Variants in CAD observed in about 807,000 individuals in gnomAD.
CAD encodes multifunctional protein CAD.
CAD carries 81 observed loss-of-function variants against 237.2 expected under a neutral mutation model. The ratio of observed to expected loss-of-function variants is 0.34; its 90% CI spans 0.29 to 0.41. CAD has a LOEUF of 0.41. Among genes scored for constraint, CAD ranks in the 10% least tolerant of loss-of-function variants. CAD has a pLI of 1.00. For synonymous variants in CAD, 1,196 were observed against 1,162.8 expected, an observed-to-expected ratio of 1.03 and a Z score of -0.58; for missense variants, 2,181 against 2,951.7, an observed-to-expected ratio of 0.74 and a Z score of 6.05.
intron 22 of CAD, 95 bp from the exon 23 acceptor site, chr2:27,234,423 C>A (rs1408775875): frequency 7.6e-7 from 1 of 1,308,094 alleles, no homozygotes; most frequent in Non-Finnish European, 1.1e-6. Flanking sequence ...CAGTCTGATC[C>A]CCCAGAGCTG....
In CAD at chr2:27,236,611, AGTAATAAAGCTTT is replaced by A; in HGVS notation, c.4314+91_4314+103del. On this transcript the variant is annotated intron_variant, in intron 26 of 43. Coordinates refer to ENST00000264705, the MANE Select transcript of CAD (RefSeq NM_004341.5). This position sits in a 1 kb window ranked among gnomAD's most constrained non-coding sequence, Gnocchi z 4.1. Reference sequence around the variant, plus strand: ...GGAGTGAGTATGGAACAGCCATGCTAGTAATAAAGCTTTGTGGCTACAGAGGGAGAGATGGTGG... The same window carrying A: ...GGAGTGAGTATGGAACAGCCATGCTAGTGGCTACAGAGGGAGAGATGGTGG... 3 of 1,575,970 alleles carry A rather than the reference AGTAATAAAGCTTT, an allele frequency of 1.9e-6. No individual in the cohort carries two copies. The highest frequency in any genetic ancestry group is 2.6e-6 in the Non-Finnish European group (3 of 1,151,486).
Position 27,239,583 on chromosome 2 carries a change from C to A in CAD, c.5394+112C>A. ...CCACTATGTGCACCACTGCCCTGGA[C>A]CAGGGGTTGGGGGCACAGCTCCCCC... is the stretch of plus-strand genomic sequence containing the variant. On this transcript the variant is annotated intron_variant, in intron 33 of 43. Transcript: ENST00000264705. This position sits in a 1 kb window ranked among gnomAD's most constrained non-coding sequence, Gnocchi z 4.0. 6.6e-7 allele frequency: 1 copy of A among 1,517,240 alleles called. No individual in the cohort carries two copies. The highest frequency in any genetic ancestry group is 9.0e-7 in the Non-Finnish European group (1 of 1,106,192). 94.0% of individuals were successfully genotyped at this position (1,517,240 alleles called of 1,614,324 possible).
Position 27,225,198 on chromosome 2 carries a change from C to A in CAD, c.1575C>A (p.Ile525=), listed in dbSNP as rs542073634. The A allele has an allele frequency of 3.7e-5, 59 of 1,613,398 alleles. No individual in the cohort carries two copies. Among genetic ancestry groups the A allele is most frequent in the Admixed American group, 6.7e-5 (4 of 59,944 alleles). ...CCTTTGCTGCCAGAATGGCAGAGAT[C>A]GGAGAGCATGTGGCCCCGAGCGAGG... ...RRAFAARMAE[I]GEHVAPSEAA... is the part of the protein sequence containing the mutation. The change falls in exon 11 of 44, where the codon ATC becomes ATA. Residue 525 remains isoleucine (I), a synonymous_variant. Transcript: ENST00000264705.
chr2:27,236,956 A>C lies in CAD; in HGVS notation c.4396+126A>C. 1 of 781,770 alleles carries C rather than the reference A, an allele frequency of 1.3e-6. No individual in the cohort carries two copies. The highest frequency in any genetic ancestry group is 2.3e-6 in the Non-Finnish European group (1 of 442,052). 48.4% of individuals were successfully genotyped at this position (781,770 alleles called of 1,614,324 possible). ...GGACTGCACAGACTGTGAAGACCCC[A>C]GAATGTTTCTCACTCTTTCATTCCT... On this transcript the variant is annotated intron_variant, in intron 27 of 43. Transcript: ENST00000264705. This position sits in a 1 kb window ranked among gnomAD's most constrained non-coding sequence, Gnocchi z 4.1.
intron 3 of CAD, among the ~76,000 whole-genome samples, chr2:27,221,753 A>ATTTTTTTTTTTTT (rs57429918): frequency 9.7e-6 from 1 of 103,494 alleles, no homozygotes; most frequent in Admixed American, 1.1e-4. Context: ...AAATTTCCCA[A>ATTTTTTTTTTTTT]TTTTTTTTTT....
rs529682111 is a variant in CAD at position 27,241,534 on chromosome 2, C to T, written c.5883+138C>T. 1.2e-6 allele frequency: 1 copy of T among 838,864 alleles called. No individual in the cohort carries two copies. The highest frequency in any genetic ancestry group is 2.5e-5 in the East Asian group (1 of 40,736). 52.0% of individuals were successfully genotyped at this position (838,864 alleles called of 1,614,324 possible). ...CTTATGCTAGTCCATCCCTCTGCTG[C>T]TGTAGATCTTCCCCCACGTTTTCCC... On this transcript the variant is annotated intron_variant, in intron 38 of 43. Transcript: ENST00000264705. The surrounding 1 kb of genome is among the most constrained non-coding windows in gnomAD (Gnocchi z 4.6).
Position 27,235,955 on chromosome 2 carries a change from G to A in CAD, c.4074+315G>A. On this transcript the variant is annotated intron_variant, in intron 25 of 43. Transcript: ENST00000264705. This position sits in a 1 kb window ranked among gnomAD's most constrained non-coding sequence, Gnocchi z 5.2. ...ATACTAGTAAGCTATATTCCATGCAGAAAGCAGAATACACAGGAAGCAAAG... is the reference window on the plus strand; with the variant it reads ...ATACTAGTAAGCTATATTCCATGCAAAAAGCAGAATACACAGGAAGCAAAG... 6.2e-6 allele frequency: 3 copies of A among 485,018 alleles called. No homozygotes were observed. Among genetic ancestry groups the A allele is most frequent in the Non-Finnish European group, 1.1e-5 (3 of 272,818 alleles). 30.0% of individuals were successfully genotyped at this position (485,018 alleles called of 1,614,324 possible).
Position 27,236,145 on chromosome 2 carries a change from T to TAGA in CAD, c.4075-138_4075-136dup. 2 of 1,062,316 alleles carry TAGA rather than the reference T, an allele frequency of 1.9e-6. No individual in the cohort carries two copies. The highest frequency in any genetic ancestry group is 2.7e-6 in the Non-Finnish European group (2 of 738,342). The allele number at this position is 1,062,316 out of a possible 1,614,324, so 65.8% of individuals were successfully genotyped here. A position where few individuals can be genotyped will look rare whatever the true frequency, so the allele number is the denominator to read the frequency against. On this transcript the variant is annotated intron_variant, in intron 25 of 43. Transcript: ENST00000264705. The surrounding 1 kb of genome is among the most constrained non-coding windows in gnomAD (Gnocchi z 4.1). ...AGAAATACACTTTGCCAGTATCAAA[T>TAGA]AGAGGCAGCCCTCAGTGCCCACCCT...
Position 27,232,664 on chromosome 2 carries a change from T to A in CAD, c.2862T>A (p.Cys954Ter). The change falls in exon 18 of 44, where the codon TGT becomes TGA. Residue 954 changes from cysteine (C) to a stop codon, truncating the protein, a stop_gained. Coordinates refer to ENST00000264705, the MANE Select transcript of CAD (RefSeq NM_004341.5). LOFTEE classifies it high-confidence loss of function. The surrounding 1 kb of genome is among the most constrained non-coding windows in gnomAD (Gnocchi z 4.1). The stretch of plus-strand genomic sequence containing the variant: ...GCTCTAGCGTTGAATTTGACTGGTG[T>A]GCTGTAGGCTGCATCCAGCAGCTCC... ...RIGSSVEFDW[C>*]AVGCIQQLRK... 1 of 1,614,246 alleles carries A rather than the reference T, an allele frequency of 6.2e-7. No homozygotes were observed. Among genetic ancestry groups the A allele is most frequent in the Non-Finnish European group, 8.5e-7 (1 of 1,180,032 alleles).
rs57384380 is a variant in CAD at position 27,220,630 on chromosome 2, G to A, written c.223-588G>A. On this transcript the variant is annotated intron_variant, in intron 2 of 43. Coordinates refer to ENST00000264705, the MANE Select transcript of CAD (RefSeq NM_004341.5). ...TTGTGCCACTGTACTCTGCACTCCA[G>A]CCTGGATAACAGCAAGACCCTGTCT... Among the ~76,000 whole-genome samples the A allele has an allele frequency of 1.1e-3, 159 of 149,976 alleles. 2 individuals are homozygous for A. In the East Asian group the frequency reaches 0.025, roughly 23 times the overall value.
chr2:27,227,536 G>A (rs1300047656), intron 15 of CAD: 1 of 152,234 alleles, frequency 6.6e-6, no homozygotes, highest in Admixed American at 6.5e-5. Flanking sequence ...CTTTAAACAA[G>A]TAAGTCTAAG....
rs375024545 is a variant in CAD, at chr2:27,237,802, G to C, written c.4648G>C (p.Gly1550Arg). ...TGCAGGAACCTTGGGCACCGTGGCC[G>C]GGTCTGCAGCCGGGCTGAAGCTTTA... ...ENAGTLGTVA[G>R]SAAGLKLYLN... Residue 1550 changes from glycine to arginine, a missense_variant, in exon 29 of 44, where the codon GGG (glycine) becomes CGG (arginine). Coordinates refer to ENST00000264705, the MANE Select transcript of CAD (RefSeq NM_004341.5). The surrounding 1 kb of genome is among the most constrained non-coding windows in gnomAD (Gnocchi z 4.0). The C allele has an allele frequency of 3.7e-6, 6 of 1,614,222 alleles. No homozygotes were observed. The highest frequency in any genetic ancestry group is 5.1e-6 in the Non-Finnish European group (6 of 1,180,032).
Position 27,233,234 on chromosome 2 carries a change from G to A in CAD, c.2992-78G>A. ...GATTCTTTGAAACTTGGTGGCGGCT[G>A]AGGGAAGCAGTGAGCAGGAAGGCTC... is the stretch of plus-strand genomic sequence containing the variant. On this transcript the variant is annotated intron_variant, in intron 19 of 43. Transcript: ENST00000264705. The surrounding 1 kb of genome is among the most constrained non-coding windows in gnomAD (Gnocchi z 6.3). 1 of 1,519,456 alleles carries A rather than the reference G, an allele frequency of 6.6e-7. No individual in the cohort carries two copies. Among genetic ancestry groups the A allele is most frequent in the South Asian group, 1.1e-5 (1 of 88,626 alleles). 94.1% of individuals were successfully genotyped at this position (1,519,456 alleles called of 1,614,324 possible). A position where few individuals can be genotyped will look rare whatever the true frequency, so the allele number is the denominator to read the frequency against.
rs1425706010 is a variant in CAD, at chr2:27,239,344, A to G, written c.5267A>G (p.His1756Arg). Residue 1756 changes from histidine (H) to arginine (R), a missense_variant, in exon 33 of 44, where the codon CAT (histidine) becomes CGT (arginine). His to Arg is a conservative substitution (Grantham distance 29). This residue lies in a region of CAD where 478 missense variants were observed against 515.0 expected (regional missense o/e 0.93). Coordinates refer to ENST00000264705, the MANE Select transcript of CAD (RefSeq NM_004341.5). The surrounding 1 kb of genome is among the most constrained non-coding windows in gnomAD (Gnocchi z 4.0). ...EDTYVEVDLE[H>R]EWTIPSHMPF... Reference sequence around the variant, plus strand: ...TCCTCTGGGCAGGTGGATCTGGAGCATGAGTGGACAATTCCCAGCCACATG... The same window carrying G: ...TCCTCTGGGCAGGTGGATCTGGAGCGTGAGTGGACAATTCCCAGCCACATG... The G allele has an allele frequency of 7.4e-6, 12 of 1,613,708 alleles. No homozygotes were observed. Among genetic ancestry groups the G allele is most frequent in the Non-Finnish European group, 1.0e-5 (12 of 1,179,772 alleles).
At chr2:27,238,744 TC>T in intron 31 of CAD, 112 bp downstream of exon 31, 1 of 1,005,642 alleles carries the variant, frequency 9.9e-7, no homozygotes, top group Non-Finnish European at 1.5e-6. Context: ...AGGGTCTTGA[TC>T]CGTATGGGAC....
chr2:27,224,264 C>T (rs1675323791), intron 8 of CAD, 81 bp from the exon 9 acceptor site: 2 of 1,513,716 alleles, frequency 1.3e-6, no homozygotes, highest in East Asian at 2.3e-5. Flanking sequence ...CTGGACTCTT[C>T]TGAAAGCGAG....
At chr2:27,221,465 G>A in intron 3 of CAD, 118 bp downstream of exon 3, 1 of 983,912 alleles carries the variant, frequency 1.0e-6, no homozygotes, top group Non-Finnish European at 1.3e-6. Flanking sequence ...GGAAGGTTTA[G>A]ATTGGAGTTG....
rs1437950616 is a variant in CAD at position 27,232,411 on chromosome 2, C to T, written c.2646-37C>T. 6.2e-7 allele frequency: 1 copy of T among 1,612,860 alleles called. No individual in the cohort carries two copies. Among genetic ancestry groups the T allele is most frequent in the Non-Finnish European group, 8.5e-7 (1 of 1,179,580 alleles). On this transcript the variant is annotated intron_variant, in intron 17 of 43. Coordinates refer to ENST00000264705, the MANE Select transcript of CAD (RefSeq NM_004341.5). The surrounding 1 kb of genome is among the most constrained non-coding windows in gnomAD (Gnocchi z 4.1). ...ACCCTCTATCAGTCTGTACCCTACT[C>T]TCTGGGCCTGTGTTTCAGACCCTTT...
intron 6 of CAD, 51 bp from the exon 7 acceptor site, chr2:27,223,512 A>T: frequency 6.5e-7 from 1 of 1,535,668 alleles, no homozygotes; most frequent in Non-Finnish European, 9.0e-7. Context: ...TAGGTTCAGT[A>T]GTGAAGAGAG....
Sources: gnomAD v4.1 joint callset for allele counts (sites outside exome capture counted in the v4.1 genomes callset) on GRCh38, gnomAD v4.1.1 for gene constraint, gnomAD v4.1.1 regional missense constraint, Gnocchi (gnomAD v3.1) non-coding constraint, MANE v1.5 for transcripts, NCBI Gene and HGNC (gene_info 2026-07-23, HGNC 2026-07-21) for gene names.